The following CREB5 variants were observed in gnomAD, a reference collection of about 807,000 sequenced individuals.
CREB5 encodes cAMP responsive element binding protein 5.
A neutral mutation model predicts 57.1 loss-of-function variants in CREB5; 19 were observed. That is an observed-to-expected ratio of 0.33 (90% confidence interval 0.23 to 0.49). The LOEUF (loss-of-function observed/expected upper bound fraction) is 0.49, where lower values mean the gene tolerates loss of function less well. CREB5 is among the 20% of genes least tolerant of loss of function. The pLI, the probability that CREB5 is intolerant of heterozygous loss-of-function variation, is 0.99. For synonymous variants in CREB5, 238 were observed against 238.3 expected, an observed-to-expected ratio of 1.00 and a Z score of 0.01; for missense variants, 579 against 671.6, an observed-to-expected ratio of 0.86 and a Z score of 1.52.
chr7:28,354,351 A>G (rs1247909014), intron 1 of CREB5, among the ~76,000 whole-genome samples: 1 of 152,310 alleles, frequency 6.6e-6, no homozygotes, highest in East Asian at 1.9e-4. Context: ...TAAAACAGCC[A>G]GGAAAACATG....
At chr7:28,390,286 A>G (rs1450942179) in intron 1 of CREB5, among the ~76,000 whole-genome samples, 2 of 152,158 alleles carry the variant, frequency 1.3e-5, no homozygotes, top group African/African-American at 4.8e-5. Context: ...GCTCATGTAG[A>G]TAGTGTTTTA....
chr7:28,454,868 G>A (rs1790019198), intron 1 of CREB5, among the ~76,000 whole-genome samples: 1 of 152,162 alleles, frequency 6.6e-6, no homozygotes, highest in Non-Finnish European at 1.5e-5. Context: ...GGTGGGCAGT[G>A]GAGAGCAGAG....
intron 7 of CREB5, among the ~76,000 whole-genome samples, chr7:28,727,885 A>T (rs1327172356): frequency 6.6e-6 from 1 of 152,138 alleles, no homozygotes; most frequent in Non-Finnish European, 1.5e-5. Flanking sequence ...TACAGGTGTG[A>T]CCTGATTTTC....
intron 5 of CREB5, among the ~76,000 whole-genome samples, chr7:28,585,470 C>T (rs909600884): frequency 6.6e-6 from 1 of 152,166 alleles, no homozygotes; most frequent in African/African-American, 2.4e-5. Flanking sequence ...GCCCCTCAGC[C>T]GGAGGGCTAG....
At chr7:28,700,470 A>C (rs934187156) in intron 5 of CREB5, among the ~76,000 whole-genome samples, 1 of 152,250 alleles carries the variant, frequency 6.6e-6, no homozygotes, top group Admixed American at 6.5e-5. Flanking sequence ...GGCTCTCAGC[A>C]CAGTTCCCGA....
intron 5 of CREB5, among the ~76,000 whole-genome samples, chr7:28,589,281 G>A (rs1203678114): frequency 1.2e-4 from 18 of 152,246 alleles, no homozygotes; most frequent in Non-Finnish European, 7.4e-5. Flanking sequence ...TGGGCTGGGC[G>A]CAGTGGCTCA....
intron 1 of CREB5, 61 bp from the exon 2 acceptor site, chr7:28,488,114 T>C: frequency 2.0e-6 from 3 of 1,502,740 alleles, no homozygotes; most frequent in Non-Finnish European, 2.8e-6. Context: ...GTTGCTCAGG[T>C]AGAAGCAGAA....
At chr7:28,756,855 G>A (rs1035076929) in intron 7 of CREB5, among the ~76,000 whole-genome samples, 2 of 152,118 alleles carry the variant, frequency 1.3e-5, no homozygotes, top group African/African-American at 4.8e-5. Context: ...AGAGAGAGAG[G>A]CAGAGAGAGA....
intron 6 of CREB5, among the ~76,000 whole-genome samples, chr7:28,722,898 A>G (rs1299712449): frequency 6.6e-6 from 1 of 152,216 alleles, no homozygotes; most frequent in Non-Finnish European, 1.5e-5. Flanking sequence ...GATTTATGTC[A>G]TAATTATACC....
intron 4 of CREB5, among the ~76,000 whole-genome samples, chr7:28,534,709 C>T (rs1281315395): frequency 1.4e-5 from 2 of 143,840 alleles, no homozygotes; most frequent in African/African-American, 2.5e-5. Context: ...GATTTTCAGA[C>T]ACCATCTGCA....
chr7:28,699,032 AGAGGGACTGGGT>A (rs1293473745), intron 5 of CREB5, among the ~76,000 whole-genome samples: 1 of 152,014 alleles, frequency 6.6e-6, no homozygotes, highest in Non-Finnish European at 1.5e-5. Flanking sequence ...TAAGGGAGGG[AGAGGGACTGGGT>A]GGGAAGCCAT....
chr7:28,766,656 T>C lies in CREB5; in HGVS notation c.703-37543T>C, dbSNP rs140605352. ...CCACGGGCTGGAATGTCGACCCAGA[T>C]TGAAGACTGCCCTTCAGGCTGTGGC... On this transcript the variant is annotated intron_variant, in intron 7 of 10. Coordinates refer to ENST00000357727, the MANE Select transcript of CREB5 (RefSeq NM_182898.4). Among the ~76,000 whole-genome samples the C allele has an allele frequency of 1.5e-3, 222 of 152,326 alleles. 1 individual carries two copies. Among genetic ancestry groups the C allele is most frequent in the African/African-American group, 5.1e-3 (214 of 41,570 alleles).
chr7:28,702,607 G>A (rs1042650200), intron 5 of CREB5, among the ~76,000 whole-genome samples: 17 of 152,210 alleles, frequency 1.1e-4, no homozygotes, highest in Non-Finnish European at 2.1e-4. Context: ...TTTCCCAATG[G>A]TGAAAGGAAA....
chr7:28,546,046 C>T (rs560083056), intron 4 of CREB5, among the ~76,000 whole-genome samples: 23 of 152,288 alleles, frequency 1.5e-4, no homozygotes, highest in African/African-American at 4.3e-4. Flanking sequence ...CATCACTCCC[C>T]GTCCCCATCC....
chr7:28,318,386 G>A (rs138517039), intron 1 of CREB5, among the ~76,000 whole-genome samples: 149 of 152,360 alleles, frequency 9.8e-4, no homozygotes, highest in African/African-American at 3.3e-3. Context: ...AGACAAAAGT[G>A]TGCTGCAAAA....
intron 1 of CREB5, among the ~76,000 whole-genome samples, chr7:28,313,402 T>G (rs558067260): frequency 1.3e-5 from 2 of 152,352 alleles, no homozygotes; most frequent in South Asian, 4.1e-4. Context: ...GAGTTAAATT[T>G]TATTCATCAT....
intron 5 of CREB5, among the ~76,000 whole-genome samples, chr7:28,580,558 GGT>G (rs371277784): frequency 0.12 from 14,835 of 124,882 alleles, 990 homozygotes; most frequent in South Asian, 0.23. Context: ...TTGGCAAATT[GGT>G]GTGTGTGTGT....
chr7:28,516,684 G>A (rs216708), intron 4 of CREB5, among the ~76,000 whole-genome samples: 79,822 of 152,018 alleles, frequency 0.53, 21,476 homozygotes, highest in East Asian at 0.68. Flanking sequence ...AAGGTCTGGG[G>A]AAAAGGTAGC....
intron 1 of CREB5, among the ~76,000 whole-genome samples, chr7:28,331,732 C>A (rs1316583240): frequency 6.6e-6 from 1 of 151,726 alleles, no homozygotes; most frequent in African/African-American, 2.4e-5. Flanking sequence ...ACCTGTAATC[C>A]CAGCTACCCT....
Sources: gnomAD v4.1 joint callset for allele counts (sites outside exome capture counted in the v4.1 genomes callset) on GRCh38, gnomAD v4.1.1 for gene constraint, MANE v1.5 for transcripts, NCBI Gene and HGNC (gene_info 2026-07-23, HGNC 2026-07-21) for gene names.